The following TNFSF8 variants were observed in gnomAD, a reference collection of about 807,000 sequenced individuals.
TNFSF8 encodes the protein tumor necrosis factor ligand superfamily member 8.
A neutral mutation model predicts 22.0 loss-of-function variants in TNFSF8; 4 were observed. The ratio of observed to expected loss-of-function variants is 0.18; its 90% CI spans 0.09 to 0.42. The LOEUF is 0.42. TNFSF8 is among the 10% of genes least tolerant of loss of function. The pLI, the probability that TNFSF8 is intolerant of heterozygous loss-of-function variation, is 1.00. For synonymous variants in TNFSF8, 106 were observed against 112.5 expected (o/e 0.94, Z 0.37); for missense variants, 233 against 281.8 (o/e 0.83, Z 1.24).
At chr9:114,898,486 G>A (rs1001382090), downstream of TNFSF8, among the ~76,000 whole-genome samples, 4 of 152,196 alleles carry the variant, frequency 2.6e-5, no homozygotes, top group Non-Finnish European at 5.9e-5. Flanking sequence ...CTGTGAGTTA[G>A]GAGGTATTGA....
At chr9:114,899,488 A>C (rs1276301270), downstream of TNFSF8, among the ~76,000 whole-genome samples, 1 of 152,188 alleles carries the variant, frequency 6.6e-6, no homozygotes, top group African/African-American at 2.4e-5. Flanking sequence ...AATTGTGAGA[A>C]GAGCCCATGA....
chr9:114,902,020 G>A lies in TNFSF8; in HGVS notation c.*1911C>T. On this transcript the variant is annotated 3_prime_UTR_variant, in exon 4 of 4. Transcript: ENST00000223795. ...CCTTCTTGAGAAAAATGCAAATTTT[G>A]CTCCATGTTTTGGTATAGCAGGGAA... 1.0e-6 allele frequency: 1 copy of A among 985,232 alleles called. No homozygotes were observed. The highest frequency in any genetic ancestry group is 1.2e-6 in the Non-Finnish European group (1 of 829,900). The allele number at this position is 985,232 out of a possible 1,614,324, so 61.0% of individuals were successfully genotyped here. A position where few individuals can be genotyped will look rare whatever the true frequency, so the allele number is the denominator to read the frequency against.
intron 2 of TNFSF8, among the ~76,000 whole-genome samples, chr9:114,913,747 G>A (rs1467904114): frequency 6.6e-6 from 1 of 152,174 alleles, no homozygotes; most frequent in Admixed American, 6.5e-5. Flanking sequence ...AAGCCTGTCT[G>A]TGCTCCAGTT....
At chr9:114,920,620 C>T (rs559659906) in intron 1 of TNFSF8, among the ~76,000 whole-genome samples, 2 of 152,266 alleles carry the variant, frequency 1.3e-5, no homozygotes, top group Admixed American at 6.5e-5. Context: ...CTGGGAGTCT[C>T]GTTAAAATGC....
exon 5 of TNFSF8, chr9:114,893,722 G>GGGTCA (rs962018326): frequency 4.9e-6 from 1 of 202,040 alleles, no homozygotes; most frequent in African/African-American, 2.3e-5. Flanking sequence ...TGTCAGGTTG[G>GGGTCA]GGTCATAGGG....
intron 2 of TNFSF8, among the ~76,000 whole-genome samples, chr9:114,914,744 A>G (rs1827897362): frequency 6.6e-6 from 1 of 151,998 alleles, no homozygotes; most frequent in South Asian, 2.1e-4. Context: ...AAACCCAGAA[A>G]GGAGAAGGGT....
chr9:114,894,130 A>G (rs1827632948), exon 5 of TNFSF8: 3 of 1,535,270 alleles, frequency 2.0e-6, no homozygotes, highest in South Asian at 1.2e-5. Flanking sequence ...AGTCCAGGGT[A>G]GAGTGTGAAT....
intron 1 of TNFSF8, among the ~76,000 whole-genome samples, chr9:114,929,363 T>C (rs935008514): frequency 5.3e-5 from 8 of 151,826 alleles, no homozygotes; most frequent in African/African-American, 1.9e-4. Context: ...GTTTCTTTTT[T>C]TTTTTTTTTT....
intron 2 of TNFSF8, among the ~76,000 whole-genome samples, chr9:114,914,760 G>A (rs1827897672): frequency 6.6e-6 from 1 of 151,996 alleles, no homozygotes; most frequent in Non-Finnish European, 1.5e-5. Flanking sequence ...AGGGTGTGGG[G>A]GAAAGGTTCT....
intron 2 of TNFSF8, among the ~76,000 whole-genome samples, chr9:114,911,628 T>C (rs1305240013): frequency 6.6e-6 from 1 of 152,172 alleles, no homozygotes; most frequent in African/African-American, 2.4e-5. Context: ...AGAATGCCCA[T>C]ATGAACACAC....
chr9:114,908,304 A>G (rs965687292), intron 2 of TNFSF8, among the ~76,000 whole-genome samples: 3 of 152,226 alleles, frequency 2.0e-5, no homozygotes, highest in African/African-American at 7.2e-5. Context: ...TACTTAGGAC[A>G]ACAGTGAGGT....
chr9:114,897,481 G>C (rs1282760648), downstream of TNFSF8, among the ~76,000 whole-genome samples: 3 of 152,284 alleles, frequency 2.0e-5, no homozygotes, highest in Middle Eastern at 3.4e-3. Flanking sequence ...AGGAATGATA[G>C]AGAGAACCAG....
downstream of TNFSF8, among the ~76,000 whole-genome samples, chr9:114,897,756 T>C (rs1484392101): frequency 1.3e-5 from 2 of 151,902 alleles, no homozygotes; most frequent in African/African-American, 4.9e-5. Context: ...GATTTGATCA[T>C]AGAGCACAAG....
exon 5 of TNFSF8, chr9:114,894,063 C>T: frequency 6.5e-7 from 1 of 1,532,598 alleles, no homozygotes; most frequent in Non-Finnish European, 8.7e-7. Context: ...TTGTCTGCAG[C>T]AACCAGCATC....
intron 1 of TNFSF8, among the ~76,000 whole-genome samples, chr9:114,921,490 T>C (rs1827987017): frequency 6.6e-6 from 1 of 152,200 alleles, no homozygotes; most frequent in Admixed American, 6.5e-5. Flanking sequence ...GAAGAGCTCA[T>C]TCCTCCCTCC....
At chr9:114,900,898 C>G (rs891206937), downstream of TNFSF8, among the ~76,000 whole-genome samples, 21 of 152,176 alleles carry the variant, frequency 1.4e-4, no homozygotes, top group African/African-American at 4.8e-4. Flanking sequence ...AGGAGGATCA[C>G]TTGAACCCAG....
rs185002643 is a variant in TNFSF8, at chr9:114,902,071, T to C, written c.*1860A>G. On this transcript the variant is annotated 3_prime_UTR_variant, in exon 4 of 4. Transcript: ENST00000223795. ...GCTTCCATCTTTTTTTACTGAAGCA[T>C]AACATCAGGGCCTACATTCCATCTC... 30 of 985,432 alleles carry C rather than the reference T, an allele frequency of 3.0e-5. No homozygotes were observed. In the African/African-American group the frequency reaches 4.5e-4, roughly 15 times the overall value. The allele number at this position is 985,432 out of a possible 1,614,324, so 61.0% of individuals were successfully genotyped here. A position where few individuals can be genotyped will look rare whatever the true frequency, so the allele number is the denominator to read the frequency against.
downstream of TNFSF8, among the ~76,000 whole-genome samples, chr9:114,899,846 T>C (rs1377480891): frequency 6.6e-6 from 1 of 152,186 alleles, no homozygotes; most frequent in African/African-American, 2.4e-5. Context: ...CACAGAGGTG[T>C]CTAAACCCTC....
chr9:114,896,746 A>G (rs1177830787), downstream of TNFSF8, among the ~76,000 whole-genome samples: 2 of 152,178 alleles, frequency 1.3e-5, no homozygotes, highest in African/African-American at 2.4e-5. Context: ...CAGCAAATAT[A>G]CCACACCTTG....
Sources: allele counts gnomAD v4.1 joint callset (sites outside exome capture counted in the v4.1 genomes callset), GRCh38; gene constraint gnomAD v4.1.1; transcripts MANE v1.5; gene names NCBI Gene and HGNC (gene_info 2026-07-23, HGNC 2026-07-21).